ROR2: variants seen among roughly 807,000 people sequenced by gnomAD.
ROR2 encodes the protein ROR family WNT receptor 2, also known as tyrosine-protein kinase transmembrane receptor ROR2.
ROR2 carries 33 observed loss-of-function variants against 74.9 expected under a neutral mutation model. The observed-to-expected ratio is 0.44, with a 90% CI of 0.33 to 0.59. ROR2 has a LOEUF of 0.59. ROR2 is among the 20% of genes least tolerant of loss of function. ROR2 has a pLI of 0.02. For synonymous variants in ROR2, 586 were observed against 558.7 expected (o/e 1.05, Z -0.69); for missense variants, 1,216 against 1,313.8 (o/e 0.93, Z 1.15).
chr9:91,730,931 G>T lies in ROR2; in HGVS notation c.1162C>A (p.Leu388Met), dbSNP rs545672059. The change falls in exon 7 of 9, where the codon CTG becomes ATG. Residue 388 changes from leucine to methionine, a missense_variant. Leu to Met is a conservative substitution (Grantham distance 15). Coordinates refer to ENST00000375708, the MANE Select transcript of ROR2 (RefSeq NM_004560.4). Reference sequence around the variant, plus strand: ...ATACTACACGAGGGTACGTCACACAGTTCCATGCGTACGTTTTTATTCTGC... The same window carrying T: ...ATACTACACGAGGGTACGTCACACATTTCCATGCGTACGTTTTTATTCTGC... ...FTQNKNVRME[L>M]CDVPSCSPRD... 2 of 1,614,176 alleles carry T rather than the reference G, an allele frequency of 1.2e-6. No individual in the cohort carries two copies. The highest frequency in any genetic ancestry group is 1.7e-6 in the Non-Finnish European group (2 of 1,180,038).
intron 1 of ROR2, among the ~76,000 whole-genome samples, chr9:91,843,990 C>A (rs1828854816): frequency 1.3e-5 from 2 of 152,224 alleles, no homozygotes; most frequent in African/African-American, 4.8e-5. Context: ...CTTTCAACAG[C>A]CACTCTGGCA....
At chr9:91,907,733 T>C (rs942278904) in intron 1 of ROR2, among the ~76,000 whole-genome samples, 25 of 152,318 alleles carry the variant, frequency 1.6e-4, no homozygotes, top group African/African-American at 5.8e-4. Flanking sequence ...GAAGGCATAT[T>C]ATCAGGATAC....
At chr9:91,836,849 G>A (rs1828624876) in intron 1 of ROR2, among the ~76,000 whole-genome samples, 1 of 152,248 alleles carries the variant, frequency 6.6e-6, no homozygotes, top group Non-Finnish European at 1.5e-5. Flanking sequence ...CCAGGTGCCA[G>A]GCAGGAACCC....
At chr9:91,781,786 A>T (rs927352331) in intron 1 of ROR2, among the ~76,000 whole-genome samples, 4 of 152,112 alleles carry the variant, frequency 2.6e-5, no homozygotes, top group African/African-American at 9.7e-5. Flanking sequence ...GGGAGTTAAA[A>T]CTCATCAACT....
intron 1 of ROR2, among the ~76,000 whole-genome samples, chr9:91,848,772 A>G (rs1175423796): frequency 2.0e-5 from 3 of 148,080 alleles, no homozygotes; most frequent in East Asian, 1.9e-4. Context: ...AAGAAAAAAA[A>G]AAAAAAAAAA....
At chr9:91,818,402 C>G (rs921552218) in intron 1 of ROR2, among the ~76,000 whole-genome samples, 1 of 152,046 alleles carries the variant, frequency 6.6e-6, no homozygotes, top group Non-Finnish European at 1.5e-5. Flanking sequence ...CACACCCCCC[C>G]ACAGGCTATC....
intron 1 of ROR2, among the ~76,000 whole-genome samples, chr9:91,926,617 C>T (rs1312957704): frequency 6.6e-6 from 1 of 151,220 alleles, no homozygotes; most frequent in Non-Finnish European, 1.5e-5. Context: ...ACATGGGATA[C>T]ATTTTTTTAA....
chr9:91,766,997 C>T (rs921832286), intron 2 of ROR2, among the ~76,000 whole-genome samples: 12 of 152,168 alleles, frequency 7.9e-5, no homozygotes, highest in African/African-American at 2.9e-4. Flanking sequence ...TGAGTCCAAG[C>T]ATCAAAACAA....
intron 1 of ROR2, among the ~76,000 whole-genome samples, chr9:91,811,935 C>T (rs893130957): frequency 2.6e-5 from 4 of 152,140 alleles, no homozygotes; most frequent in Admixed American, 2.6e-4. Context: ...CCTTTTTACT[C>T]TGGTTTGGTC....
chr9:91,820,332 C>G (rs940673763), intron 1 of ROR2, among the ~76,000 whole-genome samples: 1 of 152,110 alleles, frequency 6.6e-6, no homozygotes, highest in South Asian at 2.1e-4. Flanking sequence ...ACAAGTCAGC[C>G]GGGAATCTGA....
intron 1 of ROR2, among the ~76,000 whole-genome samples, chr9:91,819,874 G>GTGTGTGTGTGTCTGTTTAGTGTTC (rs1828087281): frequency 6.6e-6 from 1 of 151,640 alleles, no homozygotes; most frequent in African/African-American, 2.4e-5. Context: ...GTCTGTATTT[G>GTGTGTGTGTGTCTGTTTAGTGTTC]TGTGTGTGTG....
chr9:91,722,673 A>G lies in ROR2; in HGVS notation c.*989T>C. 1.3e-6 allele frequency: 1 copy of G among 775,656 alleles called. No individual in the cohort carries two copies. The highest frequency in any genetic ancestry group is 2.4e-6 in the Non-Finnish European group (1 of 415,680). 48.0% of individuals were successfully genotyped at this position (775,656 alleles called of 1,614,324 possible). On this transcript the variant is annotated 3_prime_UTR_variant, in exon 9 of 9. Coordinates refer to ENST00000375708, the MANE Select transcript of ROR2 (RefSeq NM_004560.4). ...AGGACCAACAATGTGTGCGGGGCAC[A>G]GACGGCTGCCTGTGGGTCTGTGTGT...
intron 1 of ROR2, among the ~76,000 whole-genome samples, chr9:91,852,992 A>G (rs1382560643): frequency 6.6e-6 from 1 of 152,222 alleles, no homozygotes; most frequent in Non-Finnish European, 1.5e-5. Context: ...CACTCCAGAA[A>G]GGCTGGCGGA....
chr9:91,927,562 C>CTTTTTT (rs775823582), intron 1 of ROR2, among the ~76,000 whole-genome samples: 8 of 94,944 alleles, frequency 8.4e-5, no homozygotes, highest in Non-Finnish European at 1.2e-4. Context: ...TTTCTAGATT[C>CTTTTTT]TTTTTTTTTT....
chr9:91,945,389 T>C (rs1587867023), intron 1 of ROR2, among the ~76,000 whole-genome samples: 1 of 152,308 alleles, frequency 6.6e-6, no homozygotes, highest in African/African-American at 2.4e-5. Flanking sequence ...TGGAAACCAT[T>C]AGGCTAGGAG....
intron 1 of ROR2, among the ~76,000 whole-genome samples, chr9:91,914,057 C>CA (rs564511122): frequency 2.7e-5 from 4 of 150,586 alleles, no homozygotes; most frequent in Admixed American, 6.6e-5. Context: ...TCTTGCCAAC[C>CA]AAAAAAAAAT....
At chr9:91,763,468 G>C (rs1028156404) in intron 2 of ROR2, among the ~76,000 whole-genome samples, 2 of 152,324 alleles carry the variant, frequency 1.3e-5, no homozygotes, top group Middle Eastern at 3.4e-3. Context: ...CCCTACAGCT[G>C]TGCCAGAATT....
chr9:91,802,267 G>C (rs545453426), intron 1 of ROR2, among the ~76,000 whole-genome samples: 1 of 151,910 alleles, frequency 6.6e-6, no homozygotes, highest in Admixed American at 6.5e-5. Context: ...TAGTAGAGAT[G>C]GGGTTTCACC....
At chr9:91,744,601 GA>G (rs1248230555) in intron 4 of ROR2, among the ~76,000 whole-genome samples, 3 of 152,146 alleles carry the variant, frequency 2.0e-5, no homozygotes, top group Non-Finnish European at 2.9e-5. Flanking sequence ...CTTCCAAAAT[GA>G]AATACTCTGA....
Sources: allele counts gnomAD v4.1 joint callset (sites outside exome capture counted in the v4.1 genomes callset), GRCh38; gene constraint gnomAD v4.1.1; transcripts MANE v1.5; gene names NCBI Gene and HGNC (gene_info 2026-07-23, HGNC 2026-07-21).